Variants in TMEM260 observed in about 807,000 individuals in gnomAD.
TMEM260 encodes the protein protein O-mannosyl-transferase TMEM260.
Under a neutral mutation model 88.9 loss-of-function variants are expected in TMEM260, and 82 were observed. That is an observed-to-expected ratio of 0.92 (90% CI 0.77 to 1.11). TMEM260 has a LOEUF of 1.11. Among genes scored for constraint, TMEM260 ranks in the 50% least tolerant of loss-of-function variants. The pLI is 0.00. For missense variants in TMEM260, 902 were observed against 853.4 expected, an observed-to-expected ratio of 1.06 and a Z score of -0.71; for synonymous variants, 314 against 309.3, an observed-to-expected ratio of 1.02 and a Z score of -0.16.
At position 56,596,794 on chromosome 14, in the gene TMEM260, A is replaced by AAAAAAAATAT. The variant is rs59623466; in HGVS notation, c.345-7020_345-7019insAAAAAATATA. 4.7e-3 allele frequency among the ~76,000 whole-genome samples: 639 copies of AAAAAAAATAT among 136,256 alleles called. 14 individuals carry two copies. Among genetic ancestry groups the AAAAAAAATAT allele is most frequent in the African/African-American group, 0.017 (597 of 35,878 alleles). The allele number at this position is 136,256 out of a possible 152,430, so 89.4% of individuals were successfully genotyped here. On this transcript the variant is annotated intron_variant, in intron 3 of 15. Transcript: ENST00000261556. ...AAAAAAAAAAAAAATTAAAAAAAAA[A>AAAAAAAATAT]ATATATATATATACACACACACACC...
Position 56,580,111 on chromosome 14 carries a change from C to G in TMEM260, c.160+37C>G, listed in dbSNP as rs2275025. On this transcript the variant is annotated intron_variant, in intron 1 of 15. Transcript: ENST00000261556. ...GCAGGGTTGCCCCTTCTGTCCCTCT[C>G]CCCTGGTCCCAGAACGGGCAGGGTC... 3.2e-6 allele frequency: 4 copies of G among 1,246,476 alleles called. No homozygotes were observed. The East Asian group carries it at 1.3e-4, about 39-fold the overall frequency. 77.2% of individuals were successfully genotyped at this position (1,246,476 alleles called of 1,614,324 possible).
Position 56,590,300 on chromosome 14 carries a change from CT to C in TMEM260, c.344+4392del, listed in dbSNP as rs780410910. On this transcript the variant is annotated intron_variant, in intron 3 of 15. Transcript: ENST00000261556. Reference sequence around the variant, plus strand: ...AAACTCTTTTTTAAGACTGTAGAGTCTTTTCTGACAGCTAGTCAGAGTTAGA... The same window carrying C: ...AAACTCTTTTTTAAGACTGTAGAGTCTTTCTGACAGCTAGTCAGAGTTAGA... 6.6e-4 allele frequency among the ~76,000 whole-genome samples: 100 copies of C among 152,172 alleles called. 1 individual carries two copies. Among genetic ancestry groups the C allele is most frequent in the Non-Finnish European group, 1.2e-3 (81 of 68,038 alleles).
chr14:56,598,317 A>G (rs1886370512), intron 3 of TMEM260, among the ~76,000 whole-genome samples: 1 of 152,178 alleles, frequency 6.6e-6, no homozygotes, highest in African/African-American at 2.4e-5. Context: ...TCAACTCGGT[A>G]AAGTGTGTCA....
chr14:56,624,297 G>A (rs1888103801), intron 11 of TMEM260, among the ~76,000 whole-genome samples: 1 of 152,202 alleles, frequency 6.6e-6, no homozygotes, highest in African/African-American at 2.4e-5. Flanking sequence ...GAACTGGCCA[G>A]GTGTGGTGGC....
In TMEM260 at chr14:56,623,446, A is replaced by T. The variant is rs553233423; in HGVS notation, c.1398+1744A>T. On this transcript the variant is annotated intron_variant, in intron 11 of 15. Transcript: ENST00000261556. ...ACATGTGCCCCAGAAGCCCCCCAGC[A>T]GACCTCCACTCAGGCCCCACTGACC... 2.0e-5 allele frequency among the ~76,000 whole-genome samples: 3 copies of T among 152,296 alleles called. No homozygotes were observed. In the East Asian group the frequency reaches 5.8e-4, roughly 29 times the overall value.
intron 15 of TMEM260, among the ~76,000 whole-genome samples, chr14:56,643,411 C>A (rs1356180685): frequency 1.3e-5 from 2 of 152,162 alleles, no homozygotes; most frequent in Non-Finnish European, 2.9e-5. Flanking sequence ...ACAAAAACCA[C>A]ATGATTATCT....
chr14:56,609,382 G>C, intron 6 of TMEM260, 97 bp downstream of exon 6: 1 of 1,149,558 alleles, frequency 8.7e-7, no homozygotes, highest in Non-Finnish European at 1.2e-6. Context: ...GTCAATGACA[G>C]TAGATCAAAT....
chr14:56,629,913 C>T (rs1888473780), intron 12 of TMEM260, among the ~76,000 whole-genome samples: 1 of 152,004 alleles, frequency 6.6e-6, no homozygotes, highest in African/African-American at 2.4e-5. Context: ...TGGTGGTACA[C>T]ACCTGTGGTC....
At chr14:56,589,299 A>G (rs1885705681) in intron 3 of TMEM260, among the ~76,000 whole-genome samples, 1 of 152,114 alleles carries the variant, frequency 6.6e-6, no homozygotes, top group Non-Finnish European at 1.5e-5. Flanking sequence ...TGTATTTTCA[A>G]CAGGCCTGAG....
intron 3 of TMEM260, among the ~76,000 whole-genome samples, chr14:56,601,189 A>C (rs1193345715): frequency 6.6e-6 from 1 of 152,186 alleles, no homozygotes; most frequent in Non-Finnish European, 1.5e-5. Context: ...CAGTTAATGG[A>C]GTTCATAATT....
downstream of TMEM260, among the ~76,000 whole-genome samples, chr14:56,652,253 T>G (rs1377302164): frequency 2.0e-5 from 3 of 152,184 alleles, no homozygotes; most frequent in Non-Finnish European, 4.4e-5. Flanking sequence ...GCCAGCACTT[T>G]GGGAGGCTGA....
intron 5 of TMEM260, 27 bp downstream of exon 5, chr14:56,605,710 A>T: frequency 7.3e-7 from 1 of 1,371,990 alleles, no homozygotes; most frequent in Non-Finnish European, 1.0e-6. Flanking sequence ...TGTAAAAAAA[A>T]GTACAATATT....
intron 7 of TMEM260, chr14:56,613,891 T>C (rs1193856633): frequency 1.7e-5 from 2 of 120,628 alleles, no homozygotes; most frequent in Non-Finnish European, 3.4e-5. Flanking sequence ...GAGACCCGTC[T>C]CTGCAAAAAA....
At chr14:56,646,374 A>T (rs908467216) in intron 15 of TMEM260, among the ~76,000 whole-genome samples, 2 of 152,380 alleles carry the variant, frequency 1.3e-5, no homozygotes, top group African/African-American at 4.8e-5. Flanking sequence ...CTGTGCACTC[A>T]GAAAGTCTAC....
rs958887976 is a variant in TMEM260 at position 56,599,089 on chromosome 14, C to A, written c.345-4726C>A. On this transcript the variant is annotated intron_variant, in intron 3 of 15. Transcript: ENST00000261556. ...CATTTCATTCATTTCATTAATGGCT[C>A]ACACTGTCTGCGGTGTAATTGGCAC... Among the ~76,000 whole-genome samples the A allele has an allele frequency of 2.0e-5, 3 of 152,082 alleles. No homozygotes were observed. The East Asian group carries it at 5.8e-4, about 29-fold the overall frequency.
At chr14:56,626,027 G>C (rs1416112153) in intron 12 of TMEM260, among the ~76,000 whole-genome samples, 1 of 152,166 alleles carries the variant, frequency 6.6e-6, no homozygotes, top group Non-Finnish European at 1.5e-5. Context: ...CTATACTTGA[G>C]AACATAAAAT....
At chr14:56,654,601 C>T (rs1890266405), downstream of TMEM260, among the ~76,000 whole-genome samples, 1 of 151,716 alleles carries the variant, frequency 6.6e-6, no homozygotes, top group Non-Finnish European at 1.5e-5. Context: ...GGCGGATCAC[C>T]TGAGGTCAGG....
At chr14:56,586,435 A>C (rs975393046) in intron 3 of TMEM260, among the ~76,000 whole-genome samples, 28 of 152,250 alleles carry the variant, frequency 1.8e-4, no homozygotes, top group African/African-American at 6.7e-4. Flanking sequence ...TAGTAAAGGT[A>C]GGCAAATTAG....
chr14:56,630,469 T>TATC lies in TMEM260; in HGVS notation c.1548-2525_1548-2523dup, dbSNP rs1437204314. Among the ~76,000 whole-genome samples the TATC allele has an allele frequency of 3.3e-5, 5 of 150,534 alleles. No individual in the cohort carries two copies. In the East Asian group the frequency reaches 5.8e-4, roughly 17 times the overall value. On this transcript the variant is annotated intron_variant, in intron 12 of 15. Transcript: ENST00000261556. ...TGTTTTTCTTTTTTTGTTTAAATTG[T>TATC]ATCTTTTTTTTTCTATGTCTTCAAA...
Sources: allele counts gnomAD v4.1 joint callset (sites outside exome capture counted in the v4.1 genomes callset), GRCh38; gene constraint gnomAD v4.1.1; transcripts MANE v1.5; gene names NCBI Gene and HGNC (gene_info 2026-07-23, HGNC 2026-07-21).